Variants in ERC2 observed in about 807,000 individuals in gnomAD.
The protein encoded by ERC2 is ERC protein 2.
ERC2 carries 42 observed loss-of-function variants against 114.8 expected under a neutral mutation model. The ratio of observed to expected loss-of-function variants is 0.37; its 90% CI spans 0.29 to 0.47. ERC2 has a LOEUF of 0.47. ERC2 is among the 20% of genes least tolerant of loss of function. ERC2 has a pLI of 0.99. For missense variants in ERC2, 939 were observed against 1,150.7 expected, an observed-to-expected ratio of 0.82 and a Z score of 2.66; for synonymous variants, 454 against 425.5, an observed-to-expected ratio of 1.07 and a Z score of -0.82.
At chr3:56,301,569 G>A (rs1378176401) in intron 2 of ERC2, among the ~76,000 whole-genome samples, 2 of 151,786 alleles carry the variant, frequency 1.3e-5, no homozygotes, top group African/African-American at 2.4e-5. Context: ...ACTCAATCAA[G>A]TTTCAAAACT....
At chr3:56,040,582 T>TACATATACATGTATATGTATAC (rs1553786887) in intron 7 of ERC2, among the ~76,000 whole-genome samples, 1 of 98,010 alleles carries the variant, frequency 1.0e-5, no homozygotes, top group African/African-American at 3.5e-5. Flanking sequence ...TATGTATACA[T>TACATATACATGTATATGTATAC]ATACATATAT....
chr3:55,512,525 G>A (rs2052159236), intron 17 of ERC2, among the ~76,000 whole-genome samples: 1 of 152,068 alleles, frequency 6.6e-6, no homozygotes, highest in Non-Finnish European at 1.5e-5. Context: ...CCTTTTAAAG[G>A]GCTGACCAAT....
chr3:56,211,109 A>T (rs181564674), intron 3 of ERC2, among the ~76,000 whole-genome samples: 1 of 152,246 alleles, frequency 6.6e-6, no homozygotes, highest in African/African-American at 2.4e-5. Flanking sequence ...GAGCAATCAT[A>T]CAAGAGAAAG....
chr3:55,659,806 G>A (rs2148705211), intron 17 of ERC2, among the ~76,000 whole-genome samples: 1 of 151,970 alleles, frequency 6.6e-6, no homozygotes, highest in South Asian at 2.1e-4. Flanking sequence ...CTGGGGCTGG[G>A]CTATTCTCCT....
chr3:56,085,430 A>G (rs1238045568), intron 6 of ERC2, among the ~76,000 whole-genome samples: 2 of 152,182 alleles, frequency 1.3e-5, no homozygotes, highest in African/African-American at 2.4e-5. Context: ...AGAACGGCAG[A>G]TTCTTCAAAT....
chr3:55,922,389 G>T (rs1025142940), intron 13 of ERC2, among the ~76,000 whole-genome samples: 20 of 151,926 alleles, frequency 1.3e-4, no homozygotes, highest in Non-Finnish European at 1.0e-4. Flanking sequence ...AGGCTTTGGA[G>T]CCTTGCAAGG....
intron 14 of ERC2, among the ~76,000 whole-genome samples, chr3:55,831,393 G>A (rs2060572099): frequency 1.2e-5 from 1 of 81,036 alleles, no homozygotes; most frequent in African/African-American, 5.0e-5. Flanking sequence ...GGAAGGAAGG[G>A]GAGGGGAGGG....
intron 17 of ERC2, among the ~76,000 whole-genome samples, chr3:55,627,879 G>A (rs940815460): frequency 2.3e-5 from 3 of 128,172 alleles, no homozygotes; most frequent in Admixed American, 8.5e-5. Flanking sequence ...ACTGGGACTT[G>A]GTGCTTTTTT....
chr3:56,208,573 C>A (rs544097221), intron 3 of ERC2, among the ~76,000 whole-genome samples: 1 of 152,296 alleles, frequency 6.6e-6, no homozygotes, highest in South Asian at 2.1e-4. Context: ...GTGTTCAGAG[C>A]AGTCAAAAAT....
chr3:55,516,316 G>C (rs1205064007), intron 17 of ERC2, among the ~76,000 whole-genome samples: 1 of 151,986 alleles, frequency 6.6e-6, no homozygotes, highest in East Asian at 1.9e-4. Context: ...TTTAAAAACG[G>C]GGTGGAATGG....
intron 2 of ERC2, among the ~76,000 whole-genome samples, chr3:56,361,321 A>G (rs1390566280): frequency 6.6e-6 from 1 of 152,314 alleles, no homozygotes; most frequent in East Asian, 1.9e-4. Context: ...AAACATGAAG[A>G]AAAGATGATG....
At chr3:56,353,932 A>C (rs758894701) in intron 2 of ERC2, among the ~76,000 whole-genome samples, 13 of 152,056 alleles carry the variant, frequency 8.5e-5, no homozygotes, top group Non-Finnish European at 1.8e-4. Context: ...ATAATAAATT[A>C]AGGGTACATA....
chr3:55,597,989 C>T (rs1008166964), intron 17 of ERC2, among the ~76,000 whole-genome samples: 1 of 152,202 alleles, frequency 6.6e-6, no homozygotes, highest in African/African-American at 2.4e-5. Context: ...AGCCACATCG[C>T]CTGCTTACAG....
chr3:55,919,058 C>T (rs2065265685), intron 13 of ERC2, among the ~76,000 whole-genome samples: 1 of 152,086 alleles, frequency 6.6e-6, no homozygotes, highest in East Asian at 1.9e-4. Flanking sequence ...ACTAATATGG[C>T]AACCATTACC....
intron 10 of ERC2, among the ~76,000 whole-genome samples, chr3:56,003,627 C>T (rs1429275738): frequency 6.6e-6 from 1 of 152,082 alleles, no homozygotes; most frequent in African/African-American, 2.4e-5. Flanking sequence ...TACAGATCAG[C>T]AAACAGCAGG....
chr3:55,512,948 T>TG (rs1028795488), intron 17 of ERC2, among the ~76,000 whole-genome samples: 44 of 152,226 alleles, frequency 2.9e-4, no homozygotes, highest in Admixed American at 1.2e-3. Context: ...TGATCCCTTC[T>TG]GGGGGGGCAA....
chr3:55,915,763 C>T (rs1377013814), intron 13 of ERC2, among the ~76,000 whole-genome samples: 5 of 152,116 alleles, frequency 3.3e-5, no homozygotes, highest in Non-Finnish European at 5.9e-5. Flanking sequence ...GGGGAGCTGA[C>T]TTAATTTGGG....
chr3:56,234,846 T>C (rs761627161), intron 3 of ERC2, among the ~76,000 whole-genome samples: 1 of 152,176 alleles, frequency 6.6e-6, no homozygotes, highest in Non-Finnish European at 1.5e-5. Flanking sequence ...ATAAGGACAG[T>C]GTCCCCACTA....
At chr3:56,200,171 G>A (rs1448398829) in intron 3 of ERC2, among the ~76,000 whole-genome samples, 1 of 151,698 alleles carries the variant, frequency 6.6e-6, no homozygotes, top group Non-Finnish European at 1.5e-5. Flanking sequence ...TAGGTGAGTG[G>A]CTATAAACAG....
Sources: allele counts gnomAD v4.1 joint callset (sites outside exome capture counted in the v4.1 genomes callset), GRCh38; gene constraint gnomAD v4.1.1; transcripts MANE v1.5; gene names NCBI Gene and HGNC (gene_info 2026-07-23, HGNC 2026-07-21).